Variants in ARHGAP15 observed in about 807,000 individuals in gnomAD.
ARHGAP15 encodes Rho GTPase activating protein 15, also known as rho GTPase-activating protein 15.
In ARHGAP15, 51 loss-of-function variants were observed where a neutral mutation model predicts 63.7. That is an observed-to-expected ratio of 0.80 (90% CI 0.64 to 1.01). The LOEUF (loss-of-function observed/expected upper bound fraction) is 1.01. Ranked by LOEUF, ARHGAP15 falls within the 50% of genes least tolerant of loss-of-function variation. ARHGAP15 has a pLI of 0.00. For synonymous variants in ARHGAP15, 191 were observed against 193.8 expected (o/e 0.99, Z 0.12); for missense variants, 560 against 564.6 (o/e 0.99, Z 0.08).
intron 11 of ARHGAP15, among the ~76,000 whole-genome samples, chr2:143,581,950 C>T (rs1696924218): frequency 6.6e-6 from 1 of 152,174 alleles, no homozygotes; most frequent in South Asian, 2.1e-4. Context: ...GACATTATCT[C>T]TAAAGACTCT....
At chr2:143,413,966 T>TGTGTGTGTGTGTGTGTGCGC in intron 6 of ARHGAP15, among the ~76,000 whole-genome samples, 3 of 117,910 alleles carry the variant, frequency 2.5e-5, no homozygotes, top group African/African-American at 7.1e-5. Flanking sequence ...TGTGTGTGTG[T>TGTGTGTGTGTGTGTGTGCGC]GCGCGCTCTC....
intron 6 of ARHGAP15, among the ~76,000 whole-genome samples, chr2:143,335,098 C>A (rs750719510): frequency 9.9e-5 from 15 of 152,134 alleles, no homozygotes; most frequent in Non-Finnish European, 2.1e-4. Context: ...TTTCTCAGGG[C>A]ATTTAATATG....
intron 6 of ARHGAP15, among the ~76,000 whole-genome samples, chr2:143,335,440 G>T (rs1197664947): frequency 6.7e-6 from 1 of 149,578 alleles, no homozygotes; most frequent in Non-Finnish European, 1.5e-5. Flanking sequence ...CAGCTAAAGG[G>T]TGTCTGTGGG....
chr2:143,529,480 G>A (rs1156898321), intron 10 of ARHGAP15, among the ~76,000 whole-genome samples: 2 of 152,006 alleles, frequency 1.3e-5, no homozygotes, highest in African/African-American at 4.8e-5. Flanking sequence ...ATAAGATTGT[G>A]TTATCCCCTC....
intron 12 of ARHGAP15, among the ~76,000 whole-genome samples, chr2:143,652,259 G>C (rs1294739142): frequency 2.6e-5 from 4 of 151,894 alleles, no homozygotes; most frequent in African/African-American, 9.7e-5. Flanking sequence ...AGGCCATATG[G>C]TTTCTTTTGT....
chr2:143,466,925 A>C (rs898604686), intron 8 of ARHGAP15, among the ~76,000 whole-genome samples: 15 of 152,248 alleles, frequency 9.9e-5, no homozygotes, highest in African/African-American at 3.6e-4. Context: ...AAACACAAAA[A>C]TGAGTAAAAT....
At position 143,436,903 on chromosome 2, in the gene ARHGAP15, C is replaced by G; in HGVS notation, c.574-10C>G. 6.2e-7 allele frequency: 1 copy of G among 1,604,448 alleles called. No individual in the cohort carries two copies. The highest frequency in any genetic ancestry group is 1.3e-5 in the African/African-American group (1 of 74,364). ...TAAAATTATTCAGTCTAATTATTTG[C>G]TGTTTCCAGCCAAAGGATTCAAGTT... On this transcript the variant is annotated splice_polypyrimidine_tract_variant and intron_variant, in intron 7 of 13. Coordinates refer to ENST00000295095, the MANE Select transcript of ARHGAP15 (RefSeq NM_018460.4).
At chr2:143,146,403 T>G (rs189422657) in intron 1 of ARHGAP15, among the ~76,000 whole-genome samples, 31 of 151,958 alleles carry the variant, frequency 2.0e-4, no homozygotes, top group African/African-American at 7.0e-4. Context: ...ACCCTTTAGG[T>G]TTTCATTGAT....
intron 6 of ARHGAP15, among the ~76,000 whole-genome samples, chr2:143,290,716 G>T (rs1055986975): frequency 9.9e-5 from 15 of 152,234 alleles, no homozygotes; most frequent in South Asian, 4.1e-4. Context: ...CAATGTAGGA[G>T]GAGGAACAGG....
At chr2:143,440,064 T>C (rs1689807603) in intron 8 of ARHGAP15, among the ~76,000 whole-genome samples, 1 of 152,098 alleles carries the variant, frequency 6.6e-6, no homozygotes, top group African/African-American at 2.4e-5. Context: ...GCCAGTATGT[T>C]TTTTGCAATG....
At chr2:143,751,658 G>T (rs1463028102) in intron 13 of ARHGAP15, among the ~76,000 whole-genome samples, 3 of 152,138 alleles carry the variant, frequency 2.0e-5, no homozygotes, top group Non-Finnish European at 4.4e-5. Flanking sequence ...GGCGTCTGCT[G>T]GTCGTGGTGG....
At chr2:143,391,142 T>C (rs1687522121) in intron 6 of ARHGAP15, among the ~76,000 whole-genome samples, 1 of 152,220 alleles carries the variant, frequency 6.6e-6, no homozygotes, top group Non-Finnish European at 1.5e-5. Context: ...GTTCTCTGAA[T>C]CAATACCCTG....
intron 6 of ARHGAP15, among the ~76,000 whole-genome samples, chr2:143,270,531 C>T (rs1681223404): frequency 6.6e-6 from 1 of 152,160 alleles, no homozygotes; most frequent in African/African-American, 2.4e-5. Context: ...AACTCAAGTA[C>T]TCTGCACATT....
intron 6 of ARHGAP15, among the ~76,000 whole-genome samples, chr2:143,299,603 T>G (rs1468570097): frequency 3.3e-5 from 5 of 152,026 alleles, no homozygotes; most frequent in Non-Finnish European, 7.4e-5. Flanking sequence ...GCCACTTTTT[T>G]CTACGCTTTG....
intron 12 of ARHGAP15, among the ~76,000 whole-genome samples, chr2:143,662,448 A>C (rs1022934296): frequency 2.8e-5 from 4 of 144,816 alleles, no homozygotes; most frequent in African/African-American, 1.0e-4. Context: ...AAAGTAGATA[A>C]AACCACAAAG....
At chr2:143,450,150 A>G (rs1574466705) in intron 8 of ARHGAP15, among the ~76,000 whole-genome samples, 1 of 101,090 alleles carries the variant, frequency 9.9e-6, no homozygotes, top group South Asian at 2.8e-4. Context: ...CTGAGGTTTC[A>G]TGCTTTTTTT....
chr2:143,638,683 A>T (rs1325664393), intron 12 of ARHGAP15, among the ~76,000 whole-genome samples: 1 of 110,610 alleles, frequency 9.0e-6, no homozygotes, highest in African/African-American at 4.7e-5. Context: ...AGAAAAAAAA[A>T]TATTAAAAAA....
chr2:143,519,286 C>T lies in ARHGAP15; in HGVS notation c.847C>T (p.Leu283=). The T allele has an allele frequency of 6.2e-7, 1 of 1,613,062 alleles. No homozygotes were observed. Among genetic ancestry groups the T allele is most frequent in the East Asian group, 2.2e-5 (1 of 44,830 alleles). Reference sequence around the variant, plus strand: ...TGCAGATCAAATTTTTGGCTCTCATCTGCACAAAGTGTGTGAACGTGAAAA... The same window carrying T: ...TGCAGATCAAATTTTTGGCTCTCATTTGCACAAAGTGTGTGAACGTGAAAA... ...LIKDQIFGSH[L]HKVCERENST... is the part of the protein sequence containing the mutation. Residue 283 remains leucine, a synonymous_variant, in exon 10 of 14, where the codon CTG becomes TTG. Coordinates refer to ENST00000295095, the MANE Select transcript of ARHGAP15 (RefSeq NM_018460.4).
intron 8 of ARHGAP15, among the ~76,000 whole-genome samples, chr2:143,466,910 A>T (rs553436204): frequency 6.6e-6 from 1 of 152,244 alleles, no homozygotes; most frequent in Admixed American, 6.5e-5. Flanking sequence ...TCACATGTTC[A>T]TTCCAAACAC....
Sources: gnomAD v4.1 joint callset for allele counts (sites outside exome capture counted in the v4.1 genomes callset) on GRCh38, gnomAD v4.1.1 for gene constraint, MANE v1.5 for transcripts, NCBI Gene and HGNC (gene_info 2026-07-23, HGNC 2026-07-21) for gene names.